Variants in PPP2R2B observed in about 807,000 individuals in gnomAD.
PPP2R2B encodes the protein serine/threonine-protein phosphatase 2A 55 kDa regulatory subunit B beta isoform.
A neutral mutation model predicts 46.0 loss-of-function variants in PPP2R2B; 5 were observed. That is an observed-to-expected ratio of 0.11 (90% confidence interval 0.06 to 0.23). The LOEUF (loss-of-function observed/expected upper bound fraction) is 0.23. PPP2R2B is among the 10% of genes least tolerant of loss of function. PPP2R2B has a pLI of 1.00. For synonymous variants in PPP2R2B, 215 were observed against 206.7 expected (o/e 1.04, Z -0.34); for missense variants, 367 against 575.0 (o/e 0.64, Z 3.70).
At chr5:147,004,227 A>T (rs545583574) in intron 1 of PPP2R2B, among the ~76,000 whole-genome samples, 63 of 152,082 alleles carry the variant, frequency 4.1e-4, no homozygotes, top group Non-Finnish European at 2.9e-5. Context: ...GAAACAAGCC[A>T]CCCCCTCATC....
chr5:146,837,358 T>G (rs1196199237), intron 2 of PPP2R2B, among the ~76,000 whole-genome samples: 1 of 152,238 alleles, frequency 6.6e-6, no homozygotes, highest in Admixed American at 6.5e-5. Flanking sequence ...GTGTATTAAA[T>G]GCATTTTTTG....
chr5:146,882,419 C>CTA (rs1762197413), upstream of PPP2R2B, among the ~76,000 whole-genome samples: 1 of 152,132 alleles, frequency 6.6e-6, no homozygotes, highest in Non-Finnish European at 1.5e-5. Context: ...TATCGACAGA[C>CTA]TATAGTGCAA....
At chr5:146,995,133 T>C (rs1209715613) in intron 1 of PPP2R2B, among the ~76,000 whole-genome samples, 1 of 152,232 alleles carries the variant, frequency 6.6e-6, no homozygotes, top group East Asian at 1.9e-4. Context: ...GGGCGTCTAA[T>C]AACATTCTTC....
At chr5:146,928,467 A>G (rs547236873) in intron 1 of PPP2R2B, among the ~76,000 whole-genome samples, 1 of 152,150 alleles carries the variant, frequency 6.6e-6, no homozygotes, top group Non-Finnish European at 1.5e-5. Context: ...TCAGACCAAA[A>G]AAAAAATCAA....
intron 6 of PPP2R2B, among the ~76,000 whole-genome samples, chr5:146,645,996 G>A (rs1318888939): frequency 1.3e-5 from 2 of 152,160 alleles, no homozygotes; most frequent in Non-Finnish European, 2.9e-5. Context: ...TCCTCTTTCA[G>A]ATCTTAACTA....
chr5:146,878,265 C>T lies in PPP2R2B; in HGVS notation c.-124-70G>A. The T allele has an allele frequency of 2.0e-6, 3 of 1,484,872 alleles. No homozygotes were observed. The highest frequency in any genetic ancestry group is 2.7e-6 in the Non-Finnish European group (3 of 1,121,042). The allele number at this position is 1,484,872 out of a possible 1,614,324, so 92.0% of individuals were successfully genotyped here. ...GGCAATGGAGCTGTCACCTCCTCCA[C>T]TCGGGTTCTGCGAGGCTGCGGCGGC... On this transcript the variant is annotated intron_variant, in intron 1 of 9. Coordinates refer to ENST00000394411, the MANE Select transcript of PPP2R2B (RefSeq NM_181675.4). This position sits in a 1 kb window ranked among gnomAD's most constrained non-coding sequence, Gnocchi z 4.5.
chr5:146,796,049 T>C (rs964206575), intron 2 of PPP2R2B, among the ~76,000 whole-genome samples: 1 of 152,198 alleles, frequency 6.6e-6, no homozygotes, highest in African/African-American at 2.4e-5. Context: ...TAAGCATCTC[T>C]GTTTCACCTC....
In PPP2R2B at chr5:146,680,968, G is replaced by A. The variant is rs577469053; in HGVS notation, c.447+10160C>T. Among the ~76,000 whole-genome samples the A allele has an allele frequency of 4.6e-5, 7 of 152,176 alleles. No homozygotes were observed. The East Asian group carries it at 9.7e-4, about 21-fold the overall frequency. On this transcript the variant is annotated intron_variant, in intron 5 of 9. Coordinates refer to ENST00000394411, the MANE Select transcript of PPP2R2B (RefSeq NM_181675.4). ...TCCAACCAAGATCTTGTTTTTATGCGTCAAAGACAAGATAGTATCTTGCTA... is the reference window on the plus strand; with the variant it reads ...TCCAACCAAGATCTTGTTTTTATGCATCAAAGACAAGATAGTATCTTGCTA...
chr5:146,697,928 A>G (rs746296150), intron 4 of PPP2R2B, 51 bp downstream of exon 4: 60 of 1,529,420 alleles, frequency 3.9e-5, no homozygotes, highest in South Asian at 1.4e-4. Context: ...ATTGAAGTAT[A>G]TAGTTTGGCC....
At chr5:146,735,696 G>A (rs1752495953) in intron 2 of PPP2R2B, among the ~76,000 whole-genome samples, 1 of 152,138 alleles carries the variant, frequency 6.6e-6, no homozygotes, top group Non-Finnish European at 1.5e-5. Context: ...AACGCTGAGG[G>A]ACACTTGTCA....
chr5:146,613,821 C>G (rs1469933627), intron 7 of PPP2R2B, among the ~76,000 whole-genome samples: 1 of 142,984 alleles, frequency 7.0e-6, no homozygotes, highest in African/African-American at 2.8e-5. Flanking sequence ...TCAAGGAGAA[C>G]TACAAACCAC....
chr5:146,635,777 C>G (rs1272058266), intron 7 of PPP2R2B, among the ~76,000 whole-genome samples: 1 of 152,178 alleles, frequency 6.6e-6, no homozygotes, highest in Admixed American at 6.5e-5. Context: ...TTATTTATGT[C>G]AACCCTTAGG....
chr5:146,829,585 A>G (rs1758794879), intron 2 of PPP2R2B, among the ~76,000 whole-genome samples: 7 of 152,204 alleles, frequency 4.6e-5, no homozygotes, highest in Admixed American at 4.6e-4. Context: ...TGGCAAACAG[A>G]GAATGTATGT....
chr5:146,610,123 G>T (rs1252740362), intron 7 of PPP2R2B, among the ~76,000 whole-genome samples: 2 of 51,664 alleles, frequency 3.9e-5, no homozygotes, highest in Non-Finnish European at 6.5e-5. Context: ...GAGAGCAGTG[G>T]TTCTCCCAGC....
At chr5:146,928,763 T>C (rs1763871216) in intron 1 of PPP2R2B, among the ~76,000 whole-genome samples, 1 of 152,180 alleles carries the variant, frequency 6.6e-6, no homozygotes, top group African/African-American at 2.4e-5. Context: ...GCTGATCATA[T>C]CAGTTTTCTA....
intron 5 of PPP2R2B, among the ~76,000 whole-genome samples, chr5:146,673,736 G>A (rs1777523029): frequency 6.6e-6 from 1 of 152,200 alleles, no homozygotes; most frequent in Admixed American, 6.5e-5. Flanking sequence ...CTAGAAAGGA[G>A]TGACTCCTGA....
At chr5:147,039,063 C>T (rs1268405298) in intron 1 of PPP2R2B, among the ~76,000 whole-genome samples, 2 of 152,136 alleles carry the variant, frequency 1.3e-5, no homozygotes, top group Non-Finnish European at 2.9e-5. Context: ...CAGCCTTTGT[C>T]CAGTCCTCTG....
intron 1 of PPP2R2B, among the ~76,000 whole-genome samples, chr5:146,985,191 TTG>T (rs1207269877): frequency 6.6e-6 from 1 of 151,946 alleles, no homozygotes; most frequent in African/African-American, 2.4e-5. Flanking sequence ...TGGCTAGTTT[TTG>T]TGTTTTTAGT....
intron 1 of PPP2R2B, among the ~76,000 whole-genome samples, chr5:146,902,808 C>T (rs1582392824): frequency 6.8e-6 from 1 of 147,098 alleles, no homozygotes; most frequent in Non-Finnish European, 1.5e-5. Flanking sequence ...CACCTCTTCT[C>T]TACACATAAC....
Sources: gnomAD v4.1 joint callset for allele counts (sites outside exome capture counted in the v4.1 genomes callset) on GRCh38, gnomAD v4.1.1 for gene constraint, Gnocchi (gnomAD v3.1) non-coding constraint, MANE v1.5 for transcripts, NCBI Gene and HGNC (gene_info 2026-07-23, HGNC 2026-07-21) for gene names.